Variants in LNX1 observed in about 807,000 individuals in gnomAD.
The protein encoded by LNX1 is E3 ubiquitin-protein ligase LNX.
A neutral mutation model predicts 68.4 loss-of-function variants in LNX1; 54 were observed. The ratio of observed to expected loss-of-function variants is 0.79; its 90% CI spans 0.63 to 0.99. The LOEUF is 0.99. Among genes scored for constraint, LNX1 ranks in the 50% least tolerant of loss-of-function variants. The pLI is 0.00. For synonymous variants in LNX1, 336 were observed against 350.0 expected, an observed-to-expected ratio of 0.96 and a Z score of 0.45; for missense variants, 906 against 926.4, an observed-to-expected ratio of 0.98 and a Z score of 0.29.
chr4:53,566,359 A>G (rs1402718082), intron 2 of LNX1, among the ~76,000 whole-genome samples: 2 of 151,954 alleles, frequency 1.3e-5, no homozygotes, highest in African/African-American at 2.4e-5. Context: ...TTCTTAAAGA[A>G]AAGAATTTTC....
chr4:53,572,116 G>A (rs955584295), intron 2 of LNX1, among the ~76,000 whole-genome samples: 1 of 152,142 alleles, frequency 6.6e-6, no homozygotes, highest in Non-Finnish European at 1.5e-5. Flanking sequence ...CCCTTGCCCA[G>A]TGTGGCTCCC....
At chr4:53,558,689 A>G (rs17083033) in intron 2 of LNX1, among the ~76,000 whole-genome samples, 1 of 152,228 alleles carries the variant, frequency 6.6e-6, no homozygotes, top group East Asian at 1.9e-4. Context: ...AGTTCTGTCC[A>G]AACAATGTAC....
intron 2 of LNX1, among the ~76,000 whole-genome samples, chr4:53,529,162 C>T (rs1365206071): frequency 1.3e-5 from 2 of 149,150 alleles, no homozygotes; most frequent in Non-Finnish European, 3.0e-5. Context: ...GAAAACAACA[C>T]GAGAAAACTT....
intron 2 of LNX1, among the ~76,000 whole-genome samples, chr4:53,548,036 A>G (rs928945427): frequency 6.6e-6 from 1 of 152,018 alleles, no homozygotes; most frequent in African/African-American, 2.4e-5. Flanking sequence ...GGTGGTAATG[A>G]AAGCAGGTGT....
At chr4:53,635,079 C>T (rs1445549455) in intron 1 of LNX1, among the ~76,000 whole-genome samples, 1 of 152,170 alleles carries the variant, frequency 6.6e-6, no homozygotes, top group Non-Finnish European at 1.5e-5. Flanking sequence ...ATCCTCCTGC[C>T]TCAGTCTTCC....
At chr4:53,564,234 G>A (rs1271596130) in intron 2 of LNX1, among the ~76,000 whole-genome samples, 1 of 152,136 alleles carries the variant, frequency 6.6e-6, no homozygotes, top group Non-Finnish European at 1.5e-5. Flanking sequence ...ATGGGCTAAG[G>A]GTGAATGAAA....
rs749081530 is a variant in LNX1, at chr4:53,461,055, AC to A, written c.2052-14del. 3.8e-5 allele frequency: 58 copies of A among 1,542,748 alleles called. No individual in the cohort carries two copies. In the East Asian group the frequency reaches 1.1e-3, roughly 29 times the overall value. ...AATATCACCACATCTAAAAAAAAAA[AC>A]AAAACAAGATATGATTAGTATTTTA... is the stretch of plus-strand genomic sequence containing the variant. On this transcript the variant is annotated splice_polypyrimidine_tract_variant and intron_variant, in intron 10 of 10. Transcript: ENST00000263925.
chr4:53,642,864 C>G (rs573798159), intron 1 of LNX1, among the ~76,000 whole-genome samples: 5 of 152,294 alleles, frequency 3.3e-5, no homozygotes, highest in African/African-American at 1.2e-4. Flanking sequence ...CATGGAAGCT[C>G]CCACCCTCTG....
upstream of LNX1, among the ~76,000 whole-genome samples, chr4:53,595,594 A>C (rs992751481): frequency 6.6e-6 from 1 of 152,178 alleles, no homozygotes; most frequent in Non-Finnish European, 1.5e-5. Context: ...TGTTCTTTGG[A>C]TAGGCAGGTG....
chr4:53,499,819 G>T (rs1473964943), intron 4 of LNX1, among the ~76,000 whole-genome samples: 2 of 152,202 alleles, frequency 1.3e-5, no homozygotes, highest in Admixed American at 6.5e-5. Flanking sequence ...GGCCTAGTTG[G>T]TGGCCTTGAG....
intron 2 of LNX1, among the ~76,000 whole-genome samples, chr4:53,552,741 AT>A (rs1490727755): frequency 6.7e-6 from 1 of 148,228 alleles, no homozygotes; most frequent in Non-Finnish European, 1.5e-5. Flanking sequence ...AGACAGGAGA[AT>A]TGCTTGAACC....
intron 9 of LNX1, among the ~76,000 whole-genome samples, chr4:53,470,521 A>G (rs917195747): frequency 2.0e-5 from 3 of 152,210 alleles, no homozygotes; most frequent in Non-Finnish European, 4.4e-5. Flanking sequence ...AATAAAGGGC[A>G]TTCAATTAGG....
intron 2 of LNX1, among the ~76,000 whole-genome samples, chr4:53,615,958 A>G (rs367740196): frequency 4.1e-4 from 63 of 152,240 alleles, no homozygotes; most frequent in African/African-American, 1.4e-3. Context: ...ATTATTGACT[A>G]CAGTCACCCT....
intron 9 of LNX1, among the ~76,000 whole-genome samples, chr4:53,464,237 A>ATTAAC (rs1722469427): frequency 6.6e-6 from 1 of 152,088 alleles, no homozygotes; most frequent in East Asian, 1.9e-4. Flanking sequence ...AACTATGACC[A>ATTAAC]TTAACTTAAT....
At chr4:53,637,317 C>A (rs1051531680) in intron 1 of LNX1, among the ~76,000 whole-genome samples, 1 of 151,164 alleles carries the variant, frequency 6.6e-6, no homozygotes, top group African/African-American at 2.4e-5. Flanking sequence ...GATTTTATGA[C>A]CCACTAAATG....
intron 2 of LNX1, among the ~76,000 whole-genome samples, chr4:53,562,664 A>G (rs1730369001): frequency 6.6e-6 from 1 of 152,220 alleles, no homozygotes; most frequent in African/African-American, 2.4e-5. Context: ...ACAGGTGCAG[A>G]AATTTCAGTT....
At chr4:53,481,018 G>C (rs566359743) in intron 7 of LNX1, among the ~76,000 whole-genome samples, 1 of 152,290 alleles carries the variant, frequency 6.6e-6, no homozygotes, top group East Asian at 1.9e-4. Context: ...AACAAGGTTT[G>C]TGTTGCTTAA....
At chr4:53,631,248 A>G (rs1271877983) in intron 1 of LNX1, among the ~76,000 whole-genome samples, 4 of 152,000 alleles carry the variant, frequency 2.6e-5, no homozygotes, top group African/African-American at 9.7e-5. Context: ...AGGAGCCTGG[A>G]CTCTTTGGAC....
intron 6 of LNX1, among the ~76,000 whole-genome samples, chr4:53,488,102 C>G (rs1724439802): frequency 6.6e-6 from 1 of 152,238 alleles, no homozygotes; most frequent in Admixed American, 6.5e-5. Context: ...CCAACATTTT[C>G]TCTATAGCCT....
Sources: gnomAD v4.1 joint callset for allele counts (sites outside exome capture counted in the v4.1 genomes callset) on GRCh38, gnomAD v4.1.1 for gene constraint, MANE v1.5 for transcripts, NCBI Gene and HGNC (gene_info 2026-07-23, HGNC 2026-07-21) for gene names.